The following RAB27A variants were observed in gnomAD, a reference collection of about 807,000 sequenced individuals.
The protein encoded by RAB27A is RAB27A, member RAS oncogene family, also known as ras-related protein Rab-27A.
A neutral mutation model predicts 20.8 loss-of-function variants in RAB27A; 17 were observed. That is an observed-to-expected ratio of 0.82 (90% CI 0.56 to 1.23). The LOEUF is 1.23. RAB27A is among the 50% of genes most tolerant of loss of function. The probability of loss-of-function intolerance (pLI) is 0.00; values close to 1 mark genes in which losing one functional copy is unlikely to be tolerated. For synonymous variants in RAB27A, 85 were observed against 92.8 expected (o/e 0.92, Z 0.48); for missense variants, 277 against 266.7 (o/e 1.04, Z -0.27).
chr15:55,303,072 G>C (rs1439052394), intron 2 of RAB27A, among the ~76,000 whole-genome samples: 5 of 142,476 alleles, frequency 3.5e-5, no homozygotes, highest in Non-Finnish European at 7.8e-5. Flanking sequence ...CGCGCCATCC[G>C]GGAGGGAGGT....
At chr15:55,247,580 T>C (rs147506558) in intron 2 of RAB27A, among the ~76,000 whole-genome samples, 2 of 152,294 alleles carry the variant, frequency 1.3e-5, no homozygotes, top group Non-Finnish European at 2.9e-5. Flanking sequence ...GTTTTCTGTT[T>C]GCTGCAACAC....
intron 1 of RAB27A, among the ~76,000 whole-genome samples, chr15:55,278,492 T>A (rs969018475): frequency 7.3e-5 from 11 of 151,214 alleles, no homozygotes; most frequent in African/African-American, 2.7e-4. Flanking sequence ...ATTTTTTTTT[T>A]TTTTTTTTGA....
At chr15:55,234,627 A>G (rs182824052) in intron 3 of RAB27A, among the ~76,000 whole-genome samples, 155 bp downstream of exon 3, 3 of 152,334 alleles carry the variant, frequency 2.0e-5, no homozygotes, top group Non-Finnish European at 4.4e-5. Flanking sequence ...AGCCTTTTCA[A>G]TCATGTTGCC....
chr15:55,282,718 C>T (rs1898047998), intron 1 of RAB27A, among the ~76,000 whole-genome samples: 1 of 152,044 alleles, frequency 6.6e-6, no homozygotes, highest in Non-Finnish European at 1.5e-5. Context: ...GGCTTTCGCT[C>T]ATGTGGAAGC....
At position 55,241,602 on chromosome 15, in the gene RAB27A, A is replaced by ATATATATATATATATATATGTGTG. The variant is rs1896485795; in HGVS notation, c.-22-6647_-22-6646insCACACATATATATATATATATATA. Among the ~76,000 whole-genome samples, 5 of 46,022 alleles carry ATATATATATATATATATATGTGTG rather than the reference A, an allele frequency of 1.1e-4. No individual in the cohort carries two copies. In the Admixed American group the frequency reaches 1.3e-3, roughly 12 times the overall value. The allele number at this position is 46,022 out of a possible 152,430, so 30.2% of individuals were successfully genotyped here. On this transcript the variant is annotated intron_variant, in intron 2 of 6. Transcript: ENST00000336787. ...CCCAGGCAACTAGCAAGACCTATTTATATATATATATATATATATATATGT... is the reference window on the plus strand; with the variant it reads ...CCCAGGCAACTAGCAAGACCTATTTATATATATATATATATATATGTGTGTATATATATATATATATATATATGT...
intron 2 of RAB27A, among the ~76,000 whole-genome samples, chr15:55,307,165 G>C (rs997075476): frequency 1.3e-5 from 2 of 151,972 alleles, no homozygotes; most frequent in Non-Finnish European, 2.9e-5. Context: ...CACCAGGGTG[G>C]AATATTTCTT....
chr15:55,276,665 G>A (rs533528428), intron 1 of RAB27A, among the ~76,000 whole-genome samples: 1 of 152,156 alleles, frequency 6.6e-6, no homozygotes, highest in Non-Finnish European at 1.5e-5. Context: ...AGGGGGAAAT[G>A]GGAAGGTCAT....
Position 55,234,758 on chromosome 15 carries a change from T to A in RAB27A, c.153+24A>T, listed in dbSNP as rs927639143. 6 of 1,592,990 alleles carry A rather than the reference T, an allele frequency of 3.8e-6. No homozygotes were observed. The African/African-American group carries it at 6.7e-5, about 18-fold the overall frequency. On this transcript the variant is annotated intron_variant, in intron 3 of 6. Transcript: ENST00000336787. ...AATGTTGACTTAACGATTACATTTT[T>A]ACATAGAAGGATATAGAACTTACCA...
chr15:55,223,262 T>G (rs1895658370), intron 6 of RAB27A, among the ~76,000 whole-genome samples: 1 of 152,102 alleles, frequency 6.6e-6, no homozygotes, highest in African/African-American at 2.4e-5. Flanking sequence ...ATCCCAGCAC[T>G]TTGGGAGGCT....
At chr15:55,260,101 T>A (rs1042121957) in intron 2 of RAB27A, 4 of 152,258 alleles carry the variant, frequency 2.6e-5, no homozygotes, top group African/African-American at 9.6e-5. Flanking sequence ...TTTCTCCATC[T>A]ATTTACGTAT....
At chr15:55,211,828 T>C (rs1440317455) in intron 6 of RAB27A, among the ~76,000 whole-genome samples, 5 of 152,134 alleles carry the variant, frequency 3.3e-5, no homozygotes, top group African/African-American at 9.7e-5. Flanking sequence ...TAAAACAAAA[T>C]AGGAAATGTC....
chr15:55,237,024 G>GA (rs1243666084), intron 2 of RAB27A, among the ~76,000 whole-genome samples: 1 of 152,016 alleles, frequency 6.6e-6, no homozygotes, highest in Non-Finnish European at 1.5e-5. Context: ...AAACTCTCCT[G>GA]AAAATCATAA....
At chr15:55,267,415 C>T (rs1023617735) in intron 2 of RAB27A, among the ~76,000 whole-genome samples, 4 of 152,172 alleles carry the variant, frequency 2.6e-5, no homozygotes, top group African/African-American at 9.7e-5. Flanking sequence ...ATTTCTCAAG[C>T]AGCACCCCAT....
At chr15:55,274,767 G>T (rs2141106994) in intron 1 of RAB27A, among the ~76,000 whole-genome samples, 1 of 66,500 alleles carries the variant, frequency 1.5e-5, no homozygotes, top group Admixed American at 1.9e-4. Context: ...GACACAGCAA[G>T]AATCCGTCCT....
chr15:55,214,292 C>T (rs1479749331), intron 6 of RAB27A, among the ~76,000 whole-genome samples: 2 of 152,150 alleles, frequency 1.3e-5, no homozygotes, highest in Admixed American at 6.5e-5. Flanking sequence ...AAAAATTAGC[C>T]AGGCATGGTG....
intron 1 of RAB27A, among the ~76,000 whole-genome samples, chr15:55,272,128 A>T (rs1402006249): frequency 6.6e-6 from 1 of 152,220 alleles, no homozygotes; most frequent in African/African-American, 2.4e-5. Context: ...CCATCAGGAT[A>T]TATAGGAATC....
chr15:55,267,249 C>T (rs547569119), intron 2 of RAB27A, among the ~76,000 whole-genome samples: 3 of 152,250 alleles, frequency 2.0e-5, no homozygotes, highest in Admixed American at 6.5e-5. Context: ...CCAGCTTAGA[C>T]TATGTCATCA....
intron 6 of RAB27A, among the ~76,000 whole-genome samples, chr15:55,205,925 T>C (rs78924619): frequency 0.02 from 3,000 of 152,156 alleles, 101 homozygotes; most frequent in African/African-American, 0.068. Flanking sequence ...CTTCAAAATA[T>C]CAATTTTTGG....
intron 6 of RAB27A, among the ~76,000 whole-genome samples, chr15:55,210,412 GTTT>G (rs572160899): frequency 7.8e-6 from 1 of 128,010 alleles, no homozygotes. Flanking sequence ...TTTAGGTGTG[GTTT>G]TTTTTTTTTT....
Sources: gnomAD v4.1 joint callset for allele counts (sites outside exome capture counted in the v4.1 genomes callset) on GRCh38, gnomAD v4.1.1 for gene constraint, MANE v1.5 for transcripts, NCBI Gene and HGNC (gene_info 2026-07-23, HGNC 2026-07-21) for gene names.